The following HKDC1 variants were observed in gnomAD, a reference collection of about 807,000 sequenced individuals.
The protein encoded by HKDC1 is hexokinase HKDC1.
A neutral mutation model predicts 96.6 loss-of-function variants in HKDC1; 66 were observed. The ratio of observed to expected loss-of-function variants is 0.68; its 90% confidence interval spans 0.56 to 0.84. The LOEUF (loss-of-function observed/expected upper bound fraction) is 0.84, where lower values mean the gene tolerates loss of function less well. Among genes scored for constraint, HKDC1 ranks in the 40% least tolerant of loss-of-function variants. HKDC1 has a pLI of 0.00. For missense variants in HKDC1, 1,211 were observed against 1,208.1 expected, an observed-to-expected ratio of 1.00 and a Z score of -0.04; for synonymous variants, 466 against 473.1, an observed-to-expected ratio of 0.98 and a Z score of 0.20.
chr10:69,261,958 A>ATAGT (rs1554870940), intron 16 of HKDC1: 1 of 247,840 alleles, frequency 4.0e-6, no homozygotes, highest in Non-Finnish European at 8.4e-6. Context: ...CCAAAAACTC[A>ATAGT]TAGTTAGACC....
At chr10:69,233,227 G>A in intron 4 of HKDC1, 94 bp downstream of exon 4, 1 of 1,494,386 alleles carries the variant, frequency 6.7e-7, no homozygotes, top group Non-Finnish European at 9.0e-7. Flanking sequence ...AGAACAGCAG[G>A]AGCTTTCTTG....
In HKDC1 at chr10:69,261,215, C is replaced by A. The variant is rs771181933; in HGVS notation, c.2293C>A (p.Leu765Ile). The A allele has an allele frequency of 6.2e-7, 1 of 1,614,048 alleles. No homozygotes were observed. The change falls in exon 16 of 18, where the codon CTC (leucine) becomes ATC (isoleucine). Residue 765 changes from leucine to isoleucine, a missense_variant. Physicochemically the swap from Leu to Ile is conservative, Grantham distance 5. Coordinates refer to ENST00000354624, the MANE Select transcript of HKDC1 (RefSeq NM_025130.4). ...QILIDLTKQGLLFRGQISERL... is the reference protein window; with the variant it reads ...QILIDLTKQGILFRGQISERL... ...CCTGATCGACCTGACCAAGCAGGGT[C>A]TCCTCTTCCGAGGGCAGATTTCAGA...
intron 7 of HKDC1, among the ~76,000 whole-genome samples, chr10:69,243,948 C>T (rs760425128): frequency 2.0e-5 from 3 of 152,156 alleles, no homozygotes; most frequent in Non-Finnish European, 4.4e-5. Flanking sequence ...TACGTATGTG[C>T]ATGATAGGCA....
At chr10:69,241,292 G>A (rs373966557) in intron 6 of HKDC1, among the ~76,000 whole-genome samples, 3 of 152,098 alleles carry the variant, frequency 2.0e-5, no homozygotes, top group African/African-American at 7.2e-5. Flanking sequence ...GAACCCTATA[G>A]CCGAGTGGTG....
chr10:69,252,971 A>T, intron 12 of HKDC1, among the ~76,000 whole-genome samples: 1 of 124,762 alleles, frequency 8.0e-6, no homozygotes, highest in African/African-American at 3.6e-5. Flanking sequence ...CCCATCTCTA[A>T]ACGTGTGTGT....
chr10:69,243,051 G>A (rs924859159), intron 6 of HKDC1, 131 bp from the exon 7 acceptor site: 6 of 868,808 alleles, frequency 6.9e-6, no homozygotes, highest in African/African-American at 1.7e-5. Context: ...TTCCCTCAGC[G>A]AGAGCCAGCC....
intron 1 of HKDC1, among the ~76,000 whole-genome samples, chr10:69,226,157 C>T (rs1025310502): frequency 1.1e-4 from 17 of 152,120 alleles, no homozygotes; most frequent in Admixed American, 6.5e-5. Flanking sequence ...GCTTTGCTGC[C>T]GTCCCTGATG....
At chr10:69,244,048 T>A (rs1328431750) in intron 7 of HKDC1, among the ~76,000 whole-genome samples, 1 of 152,030 alleles carries the variant, frequency 6.6e-6, no homozygotes, top group African/African-American at 2.4e-5. Context: ...CGTGTTCGCA[T>A]GTCCCCCAGC....
rs573975346 is a variant in HKDC1 at position 69,235,015 on chromosome 10, C to T, written c.495+1882C>T. Among the ~76,000 whole-genome samples, 4 of 152,312 alleles carry T rather than the reference C, an allele frequency of 2.6e-5. No individual in the cohort carries two copies. The South Asian group carries it at 8.3e-4, about 32-fold the overall frequency. ...TGGTGGCTTTTGCCTATAATCCCAG[C>T]ACCCTGGGAGGCTGAGGCGGGAGGA... is the stretch of plus-strand genomic sequence containing the variant. On this transcript the variant is annotated intron_variant, in intron 4 of 17. Coordinates refer to ENST00000354624, the MANE Select transcript of HKDC1 (RefSeq NM_025130.4).
In HKDC1 at chr10:69,261,128, T is replaced by G. The variant is rs777168134; in HGVS notation, c.2217-11T>G. ...AGGTCTGCCCCAACCTTATCCTTCTTCTCCAAACAGATACGAGAAAATGAC... is the reference window on the plus strand; with the variant it reads ...AGGTCTGCCCCAACCTTATCCTTCTGCTCCAAACAGATACGAGAAAATGAC... On this transcript the variant is annotated splice_polypyrimidine_tract_variant and intron_variant, in intron 15 of 17. Coordinates refer to ENST00000354624, the MANE Select transcript of HKDC1 (RefSeq NM_025130.4). 25 of 1,610,822 alleles carry G rather than the reference T, an allele frequency of 1.6e-5. 1 individual carries two copies. In the Middle Eastern group the frequency reaches 4.9e-4, roughly 32 times the overall value.
At chr10:69,245,421 C>A (rs868031363) in intron 7 of HKDC1, among the ~76,000 whole-genome samples, 1 of 147,980 alleles carries the variant, frequency 6.8e-6, no homozygotes, top group Non-Finnish European at 1.5e-5. Context: ...CCTGTCTCTA[C>A]GAAAATAAAA....
rs544394141 is a variant in HKDC1, at chr10:69,267,365, C to T, written c.*608C>T. ...TGCAGGAATCATTGCATGCTTAAAGCGAGTTATGTCAGCACCCTGTAGGAT... is the reference window on the plus strand; with the variant it reads ...TGCAGGAATCATTGCATGCTTAAAGTGAGTTATGTCAGCACCCTGTAGGAT... On this transcript the variant is annotated 3_prime_UTR_variant, in exon 18 of 18. Transcript: ENST00000354624. 6 of 407,080 alleles carry T rather than the reference C, an allele frequency of 1.5e-5. No homozygotes were observed. The highest frequency in any genetic ancestry group is 7.1e-5 in the East Asian group (1 of 13,996). 25.2% of individuals were successfully genotyped at this position (407,080 alleles called of 1,614,324 possible).
chr10:69,242,068 T>C (rs149022800), intron 6 of HKDC1, among the ~76,000 whole-genome samples: 15 of 152,364 alleles, frequency 9.8e-5, no homozygotes, highest in Admixed American at 9.8e-4. Flanking sequence ...CCCTTCTCCT[T>C]TTCCCATTCC....
chr10:69,256,411 A>C (rs1843717068), intron 12 of HKDC1, among the ~76,000 whole-genome samples: 1 of 152,254 alleles, frequency 6.6e-6, no homozygotes, highest in Non-Finnish European at 1.5e-5. Flanking sequence ...TGACTAAGTT[A>C]GAAGTAGGAT....
At chr10:69,250,052 G>A (rs1843613071) in intron 10 of HKDC1, among the ~76,000 whole-genome samples, 1 of 152,212 alleles carries the variant, frequency 6.6e-6, no homozygotes, top group Non-Finnish European at 1.5e-5. Flanking sequence ...GATAGTGTAG[G>A]TGGTGCCTGG....
chr10:69,266,527 C>T lies in HKDC1; in HGVS notation c.2607-83C>T, dbSNP rs1843901425. 3 of 1,444,312 alleles carry T rather than the reference C, an allele frequency of 2.1e-6. No individual in the cohort carries two copies. In the South Asian group the frequency reaches 3.9e-5, roughly 19 times the overall value. 89.5% of individuals were successfully genotyped at this position (1,444,312 alleles called of 1,614,324 possible). A position where few individuals can be genotyped will look rare whatever the true frequency, so the allele number is the denominator to read the frequency against. On this transcript the variant is annotated intron_variant, in intron 17 of 17. Transcript: ENST00000354624. Reference sequence around the variant, plus strand: ...TGAAAAGCAAACCAAAGGGAAGAAGCTAAAGAAATTAGATTATGATCATTT... The same window carrying T: ...TGAAAAGCAAACCAAAGGGAAGAAGTTAAAGAAATTAGATTATGATCATTT...
At chr10:69,239,012 A>G in intron 4 of HKDC1, 30 bp from the exon 5 acceptor site, 2 of 1,548,744 alleles carry the variant, frequency 1.3e-6, no homozygotes, top group Non-Finnish European at 1.8e-6. Context: ...CACGTCTTTC[A>G]TTCAAACTGG....
chr10:69,226,165 A>G (rs910986479), intron 1 of HKDC1, among the ~76,000 whole-genome samples: 26 of 152,186 alleles, frequency 1.7e-4, no homozygotes, highest in African/African-American at 6.0e-4. Flanking sequence ...GCCGTCCCTG[A>G]TGTGACATAT....
chr10:69,227,717 C>G (rs906965381), intron 2 of HKDC1, among the ~76,000 whole-genome samples: 1 of 152,184 alleles, frequency 6.6e-6, no homozygotes, highest in Non-Finnish European at 1.5e-5. Flanking sequence ...GGGCTGGGTG[C>G]TTGTCAGGGC....
Sources: gnomAD v4.1 joint callset for allele counts (sites outside exome capture counted in the v4.1 genomes callset) on GRCh38, gnomAD v4.1.1 for gene constraint, MANE v1.5 for transcripts, NCBI Gene and HGNC (gene_info 2026-07-23, HGNC 2026-07-21) for gene names.